The following NKAIN2 variants were observed in gnomAD, a reference collection of about 807,000 sequenced individuals.
NKAIN2 encodes the protein sodium/potassium-transporting ATPase subunit beta-1-interacting protein 2.
NKAIN2 carries 14 observed loss-of-function variants against 32.6 expected under a neutral mutation model. The observed-to-expected ratio is 0.43, with a 90% CI of 0.28 to 0.67. The LOEUF is 0.67. Ranked by LOEUF, NKAIN2 falls within the 30% of genes least tolerant of loss-of-function variation. The pLI is 0.17. For missense variants in NKAIN2, 198 were observed against 258.3 expected (o/e 0.77, Z 1.60); for synonymous variants, 80 against 87.2 (o/e 0.92, Z 0.46).
intron 3 of NKAIN2, among the ~76,000 whole-genome samples, chr6:124,523,142 C>CAA (rs60961771): frequency 0.14 from 15,703 of 114,870 alleles, 1,529 homozygotes; most frequent in African/African-American, 0.27. Flanking sequence ...GACTCCGTCT[C>CAA]AAAAAAAAAA....
At chr6:124,449,215 C>CTA (rs1776006885) in intron 3 of NKAIN2, among the ~76,000 whole-genome samples, 1 of 151,850 alleles carries the variant, frequency 6.6e-6, no homozygotes, top group Non-Finnish European at 1.5e-5. Context: ...AGTTATCTAC[C>CTA]TAAGGTGTGT....
At chr6:124,657,656 G>C (rs919662302) in intron 3 of NKAIN2, among the ~76,000 whole-genome samples, 2 of 151,918 alleles carry the variant, frequency 1.3e-5, no homozygotes, top group African/African-American at 4.8e-5. Flanking sequence ...CAGGAAGAGG[G>C]GGAAGCAAGT....
intron 1 of NKAIN2, among the ~76,000 whole-genome samples, chr6:124,193,278 C>T (rs1790124410): frequency 6.6e-6 from 1 of 152,184 alleles, no homozygotes; most frequent in African/African-American, 2.4e-5. Flanking sequence ...CTCATGCCTG[C>T]CAAGGGCAAG....
chr6:124,056,645 C>T (rs979462242), intron 1 of NKAIN2, among the ~76,000 whole-genome samples: 1 of 151,974 alleles, frequency 6.6e-6, no homozygotes, highest in Admixed American at 6.6e-5. Context: ...AATGGCTACA[C>T]GTTGCCACTT....
At chr6:124,123,275 G>C (rs1785981745) in intron 1 of NKAIN2, among the ~76,000 whole-genome samples, 2 of 152,074 alleles carry the variant, frequency 1.3e-5, no homozygotes, top group South Asian at 4.1e-4. Flanking sequence ...GCTCTAATAG[G>C]CTCCTGAAAG....
chr6:124,292,654 TTACATTGA>T (rs59423600), intron 2 of NKAIN2, among the ~76,000 whole-genome samples: 52,001 of 151,004 alleles, frequency 0.34, 13,788 homozygotes, highest in African/African-American at 0.75. Context: ...TAAAGGCCTT[TTACATTGA>T]TACATTGATA....
At chr6:124,172,899 TC>T (rs1426224953) in intron 1 of NKAIN2, among the ~76,000 whole-genome samples, 4 of 152,296 alleles carry the variant, frequency 2.6e-5, no homozygotes, top group Admixed American at 6.5e-5. Context: ...TTTGGCTGTA[TC>T]TTTGATTCCT....
At chr6:124,401,691 CT>C (rs112548982) in intron 3 of NKAIN2, among the ~76,000 whole-genome samples, 14 of 152,140 alleles carry the variant, frequency 9.2e-5, no homozygotes, top group African/African-American at 3.1e-4. Context: ...TGCATAACAC[CT>C]TTTTTGTATA....
rs1179843652 is a variant in NKAIN2, at chr6:123,913,772, A to G, written c.54+109518A>G. 2.0e-5 allele frequency among the ~76,000 whole-genome samples: 3 copies of G among 152,068 alleles called. No individual in the cohort carries two copies. The East Asian group carries it at 5.8e-4, about 29-fold the overall frequency. ...CCATATTGGAGATAATTCAGAGAAC[A>G]TTTTGTTTTTTTTACAAGTAGTTAC... On this transcript the variant is annotated intron_variant, in intron 1 of 6. Coordinates refer to ENST00000368417, the MANE Select transcript of NKAIN2 (RefSeq NM_001040214.3).
chr6:124,108,296 C>A (rs929573044), intron 1 of NKAIN2, among the ~76,000 whole-genome samples: 1 of 151,994 alleles, frequency 6.6e-6, no homozygotes, highest in South Asian at 2.1e-4. Context: ...TTCATATACA[C>A]GGTGTTCATG....
rs539880692 is a variant in NKAIN2, at chr6:124,274,791, G to A, written c.55-8214G>A. ...ATGCGGACACACTATTCAAAAAAAA[G>A]GTGGGAGATTTGTGTTATGATAAAA... On this transcript the variant is annotated intron_variant, in intron 1 of 6. Coordinates refer to ENST00000368417, the MANE Select transcript of NKAIN2 (RefSeq NM_001040214.3). Among the ~76,000 whole-genome samples, 54 of 151,894 alleles carry A rather than the reference G, an allele frequency of 3.6e-4. 1 individual carries two copies. The highest frequency in any genetic ancestry group is 1.3e-3 in the African/African-American group (52 of 41,438).
At chr6:124,731,443 G>A (rs1182192853) in intron 4 of NKAIN2, among the ~76,000 whole-genome samples, 1 of 149,034 alleles carries the variant, frequency 6.7e-6, no homozygotes, top group East Asian at 2.0e-4. Flanking sequence ...ATCATTCTCA[G>A]TAAACTATCG....
intron 3 of NKAIN2, among the ~76,000 whole-genome samples, chr6:124,451,625 G>A (rs1021150776): frequency 3.3e-5 from 5 of 152,178 alleles, no homozygotes; most frequent in African/African-American, 4.8e-5. Flanking sequence ...CAGTGAGTAT[G>A]TGCAACTTGG....
chr6:124,756,410 A>G (rs1777966850), intron 4 of NKAIN2, among the ~76,000 whole-genome samples: 1 of 152,142 alleles, frequency 6.6e-6, no homozygotes, highest in African/African-American at 2.4e-5. Context: ...AGATCTTTCT[A>G]TGACTTTCTT....
chr6:124,084,564 G>T (rs1314878230), intron 1 of NKAIN2, among the ~76,000 whole-genome samples: 1 of 151,812 alleles, frequency 6.6e-6, no homozygotes, highest in Non-Finnish European at 1.5e-5. Context: ...AAATTTTTTT[G>T]TGTAGCACTA....
intron 3 of NKAIN2, among the ~76,000 whole-genome samples, chr6:124,455,103 C>T (rs1776267178): frequency 1.3e-5 from 2 of 151,960 alleles, no homozygotes; most frequent in South Asian, 2.1e-4. Flanking sequence ...AGGTTTATAA[C>T]GCTTTGAACT....
intron 3 of NKAIN2, among the ~76,000 whole-genome samples, chr6:124,458,244 T>A (rs1025964766): frequency 1.3e-5 from 2 of 151,966 alleles, no homozygotes; most frequent in Non-Finnish European, 2.9e-5. Flanking sequence ...ATAGATCTAA[T>A]TTGTGACTTA....
chr6:123,974,299 G>A (rs1431812770), intron 1 of NKAIN2, among the ~76,000 whole-genome samples: 1 of 136,272 alleles, frequency 7.3e-6, no homozygotes, highest in Non-Finnish European at 1.6e-5. Flanking sequence ...GAAAAATCAA[G>A]AAATAAGTTC....
intron 4 of NKAIN2, among the ~76,000 whole-genome samples, chr6:124,735,800 T>A (rs1263622428): frequency 6.6e-6 from 1 of 151,838 alleles, no homozygotes; most frequent in Admixed American, 6.6e-5. Flanking sequence ...ATCAATAATG[T>A]TATATGTGTT....
Sources: gnomAD v4.1 joint callset for allele counts (sites outside exome capture counted in the v4.1 genomes callset) on GRCh38, gnomAD v4.1.1 for gene constraint, MANE v1.5 for transcripts, NCBI Gene and HGNC (gene_info 2026-07-23, HGNC 2026-07-21) for gene names.